HSD17B3: variants seen among roughly 807,000 people sequenced by gnomAD.
The protein encoded by HSD17B3 is hydroxysteroid 17-beta dehydrogenase 3.
In HSD17B3, 29 loss-of-function variants were observed where a neutral mutation model predicts 41.1. That is an observed-to-expected ratio of 0.71 (90% CI 0.53 to 0.96). HSD17B3 has a LOEUF of 0.96. Ranked by LOEUF, HSD17B3 falls within the 40% of genes least tolerant of loss-of-function variation. The pLI, the probability that HSD17B3 is intolerant of heterozygous loss-of-function variation, is 0.00. For synonymous variants in HSD17B3, 126 were observed against 145.6 expected, an observed-to-expected ratio of 0.87 and a Z score of 0.97; for missense variants, 323 against 374.6, an observed-to-expected ratio of 0.86 and a Z score of 1.14.
intron 2 of HSD17B3, among the ~76,000 whole-genome samples, chr9:96,266,734 G>C (rs1564042645): frequency 6.6e-6 from 1 of 152,154 alleles, no homozygotes; most frequent in East Asian, 1.9e-4. Context: ...AGACTCAGGA[G>C]GCTTGGGTCA....
At chr9:96,245,286 G>T in intron 8 of HSD17B3, 59 bp downstream of exon 8, 1 of 1,328,714 alleles carries the variant, frequency 7.5e-7, no homozygotes, top group Non-Finnish European at 1.1e-6. Context: ...AAAGGAAATT[G>T]CCAACTGGGA....
intron 9 of HSD17B3, 85 bp from the exon 10 acceptor site, chr9:96,240,992 A>C: frequency 6.7e-7 from 1 of 1,502,864 alleles, no homozygotes; most frequent in Non-Finnish European, 9.2e-7. Flanking sequence ...CCCCCATCCC[A>C]CCATTTCCCG....
At chr9:96,242,181 A>T (rs1031622059) in intron 9 of HSD17B3, among the ~76,000 whole-genome samples, 1 of 152,212 alleles carries the variant, frequency 6.6e-6, no homozygotes, top group Admixed American at 6.5e-5. Flanking sequence ...TAATTTGTAT[A>T]ACACTTTTCT....
chr9:96,269,101 C>G (rs1025170947), intron 2 of HSD17B3, among the ~76,000 whole-genome samples: 1 of 152,190 alleles, frequency 6.6e-6, no homozygotes, highest in Admixed American at 6.5e-5. Context: ...TAGCCTGCTA[C>G]ATAACTAGAC....
At position 96,249,245 on chromosome 9, in the gene HSD17B3, A is replaced by G. The variant is rs2130722814; in HGVS notation, c.489+506T>C. On this transcript the variant is annotated intron_variant, in intron 6 of 10. Transcript: ENST00000375263. ...TAGCAGATGCAGAACGTTAAGTTCA[A>G]GGAGGCTACATAACTTGTCCAATGC... Among the ~76,000 whole-genome samples, 4 of 152,310 alleles carry G rather than the reference A, an allele frequency of 2.6e-5. No individual in the cohort carries two copies. In the Middle Eastern group the frequency reaches 0.01, roughly 389 times the overall value.
chr9:96,300,856 G>C (rs1827571352), intron 1 of HSD17B3, among the ~76,000 whole-genome samples: 1 of 152,140 alleles, frequency 6.6e-6, no homozygotes, highest in South Asian at 2.1e-4. Context: ...TGGCTCCATA[G>C]AGTTATGCGT....
intron 2 of HSD17B3, among the ~76,000 whole-genome samples, chr9:96,269,147 C>G (rs1396901123): frequency 6.6e-6 from 1 of 152,160 alleles, no homozygotes; most frequent in Non-Finnish European, 1.5e-5. Context: ...GGCTATAAAC[C>G]TGTATGACAT....
intron 10 of HSD17B3, among the ~76,000 whole-genome samples, chr9:96,240,344 A>T (rs1320839958): frequency 6.6e-6 from 1 of 152,228 alleles, no homozygotes; most frequent in Non-Finnish European, 1.5e-5. Context: ...GGAAGTATTT[A>T]TACCGTGGAA....
intron 9 of HSD17B3, among the ~76,000 whole-genome samples, chr9:96,241,969 G>GAAAGAAAT (rs1836462588): frequency 9.3e-6 from 1 of 107,714 alleles, no homozygotes; most frequent in Non-Finnish European, 1.9e-5. Context: ...GAAAAAGAAA[G>GAAAGAAAT]AAAGAAAGAA....
In HSD17B3 at chr9:96,244,199, C is replaced by T. The variant is rs950216559; in HGVS notation, c.672+130G>A. 9.8e-6 allele frequency: 9 copies of T among 920,268 alleles called. No homozygotes were observed. The African/African-American group carries it at 1.5e-4, about 15-fold the overall frequency. 57.0% of individuals were successfully genotyped at this position (920,268 alleles called of 1,614,324 possible). A position where few individuals can be genotyped will look rare whatever the true frequency, so the allele number is the denominator to read the frequency against. ...CCCCAGCTCATCTTCCTGTTGACCA[C>T]ACATGAGCAGCCAGACCCACAGGAG... On this transcript the variant is annotated intron_variant, in intron 9 of 10. Transcript: ENST00000375263.
rs1274712728 is a variant in HSD17B3, at chr9:96,240,820, C to A, written c.760G>T (p.Glu254Ter). The A allele has an allele frequency of 6.2e-7, 1 of 1,614,216 alleles. No homozygotes were observed. Among genetic ancestry groups the A allele is most frequent in the East Asian group, 2.2e-5 (1 of 44,890 alleles). The stretch of plus-strand genomic sequence containing the variant: ...CCAATTGTGACATAATTCAATGACT[C>A]TTTGACAAACTCATCAGCAGTCTTG... ...ITKTADEFVK[E>*]SLNYVTIGGE... Residue 254 changes from glutamate to a stop codon, truncating the protein, a stop_gained, in exon 10 of 11, where the codon GAG becomes TAG. Transcript: ENST00000375263. LOFTEE classifies it high-confidence loss of function.
chr9:96,249,582 G>A (rs34355657), intron 6 of HSD17B3, 169 bp downstream of exon 6: 1 of 660,298 alleles, frequency 1.5e-6, no homozygotes, highest in Non-Finnish European at 2.7e-6. Flanking sequence ...GTATTTTCTA[G>A]ATGAAAAACA....
intron 9 of HSD17B3, among the ~76,000 whole-genome samples, chr9:96,242,219 G>A (rs1836486592): frequency 6.6e-6 from 1 of 152,148 alleles, no homozygotes; most frequent in African/African-American, 2.4e-5. Context: ...GTTACTCTTT[G>A]AGAAATATAA....
At chr9:96,244,152 G>A (rs576757933) in intron 9 of HSD17B3, 177 bp downstream of exon 9, 23 of 710,816 alleles carry the variant, frequency 3.2e-5, no homozygotes, top group Admixed American at 1.4e-4. Flanking sequence ...GGACTGAGGC[G>A]CCCCAAAAGC....
intron 2 of HSD17B3, among the ~76,000 whole-genome samples, chr9:96,267,669 C>T (rs956045771): frequency 2.6e-4 from 40 of 151,292 alleles, no homozygotes; most frequent in African/African-American, 9.7e-4. Flanking sequence ...TGATGAAATC[C>T]TTTTGCAGAA....
chr9:96,300,896 T>TA (rs111264524), intron 1 of HSD17B3, among the ~76,000 whole-genome samples: 4,768 of 152,268 alleles, frequency 0.031, 160 homozygotes, highest in African/African-American at 0.075. Context: ...CTTCATTTCT[T>TA]AAAAACACTT....
intron 1 of HSD17B3, among the ~76,000 whole-genome samples, chr9:96,299,436 C>T (rs375373599): frequency 5.3e-4 from 80 of 152,306 alleles, no homozygotes; most frequent in African/African-American, 1.1e-3. Flanking sequence ...CATCTTGGGC[C>T]TTACCTTCCC....
intron 2 of HSD17B3, among the ~76,000 whole-genome samples, chr9:96,296,972 C>G (rs897563030): frequency 6.6e-6 from 1 of 151,496 alleles, no homozygotes; most frequent in Non-Finnish European, 1.5e-5. Context: ...GAGGTCAAGG[C>G]TGCAGTAAGC....
intron 9 of HSD17B3, among the ~76,000 whole-genome samples, chr9:96,242,001 G>GAAAGAAAGAA (rs1554692381): frequency 6.9e-5 from 9 of 130,504 alleles, no homozygotes; most frequent in African/African-American, 1.8e-4. Context: ...AAGAAAGAAA[G>GAAAGAAAGAA]AAAGAGAAAG....
Sources: gnomAD v4.1 joint callset for allele counts (sites outside exome capture counted in the v4.1 genomes callset) on GRCh38, gnomAD v4.1.1 for gene constraint, MANE v1.5 for transcripts, NCBI Gene and HGNC (gene_info 2026-07-23, HGNC 2026-07-21) for gene names.